Variants in STAT2 observed in about 807,000 individuals in gnomAD.
STAT2 encodes the protein interferon alpha induced transcriptional activator.
Under a neutral mutation model 122.3 loss-of-function variants are expected in STAT2, and 51 were observed. That is an observed-to-expected ratio of 0.42 (90% CI 0.33 to 0.53). The LOEUF is 0.53. STAT2 is among the 20% of genes least tolerant of loss of function. The pLI, the probability that STAT2 is intolerant of heterozygous loss-of-function variation, is 0.10. For missense variants in STAT2, 736 were observed against 1,010.3 expected (o/e 0.73, Z 3.68); for synonymous variants, 351 against 394.9 (o/e 0.89, Z 1.32).
intron 19 of STAT2, 55 bp downstream of exon 19, chr12:56,348,474 C>T (rs1459341392): frequency 1.3e-6 from 2 of 1,583,034 alleles, no homozygotes; most frequent in East Asian, 2.2e-5. Context: ...GCAGAGACTC[C>T]ACTCTCAAGC....
Position 56,344,143 on chromosome 12 carries a change from C to T in STAT2, c.2103-8G>A. ...TGCAGTTCATCCACCTGTCTGGATA[C>T]CCAAAGACAGACAAAGGGGCAGGGC... On this transcript the variant is annotated splice_polypyrimidine_tract_variant and splice_region_variant and intron_variant, in intron 22 of 23. Transcript: ENST00000314128. The T allele has an allele frequency of 6.5e-7, 1 of 1,546,344 alleles. No individual in the cohort carries two copies. The highest frequency in any genetic ancestry group is 1.2e-5 in the South Asian group (1 of 84,618).
chr12:56,346,241 G>A (rs772372248), intron 21 of STAT2, 38 bp from the exon 22 acceptor site: 3 of 1,612,462 alleles, frequency 1.9e-6, no homozygotes, highest in Non-Finnish European at 2.5e-6. Flanking sequence ...GAAGATCAGT[G>A]GGCCAGACAT....
chr12:56,350,911 G>C, intron 10 of STAT2, 23 bp from the exon 11 acceptor site: 1 of 1,613,996 alleles, frequency 6.2e-7, no homozygotes, highest in Non-Finnish European at 8.5e-7. Context: ...AGGGGGATAG[G>C]GGAAAGTGGT....
At chr12:56,346,407 G>A (rs759518094) in intron 21 of STAT2, 35 bp downstream of exon 21, 3 of 1,611,798 alleles carry the variant, frequency 1.9e-6, no homozygotes, top group Non-Finnish European at 2.5e-6. Context: ...GTAGATCTCT[G>A]CAATCTAGCA....
intron 2 of STAT2, 21 bp downstream of exon 2, chr12:56,356,420 C>T (rs2066819): frequency 0.058 from 93,558 of 1,610,634 alleles, 3,110 homozygotes; most frequent in Non-Finnish European, 0.067. Flanking sequence ...TTTCATTCCC[C>T]CAACTTCCTG....
chr12:56,350,394 T>G lies in STAT2; in HGVS notation c.1115+18A>C. On this transcript the variant is annotated intron_variant, in intron 12 of 23. Coordinates refer to ENST00000314128, the MANE Select transcript of STAT2 (RefSeq NM_005419.4). ...ATACACTGTACAGATGTTTGCAGTG[T>G]CCTTGTCAAGCACCTACCCTTGTAA... 8.1e-6 allele frequency: 13 copies of G among 1,603,208 alleles called. No individual in the cohort carries two copies. The highest frequency in any genetic ancestry group is 1.1e-5 in the Non-Finnish European group (13 of 1,176,134).
At position 56,342,923 on chromosome 12, in the gene STAT2, A is replaced by C. The variant is rs1876793631; in HGVS notation, c.*466T>G. ...GAGCCAGGAGTAAAGGAAAGAAGAA[A>C]GCAAGTTATCCTAGACATGAAGGAA... On this transcript the variant is annotated 3_prime_UTR_variant, in exon 24 of 24. Coordinates refer to ENST00000314128, the MANE Select transcript of STAT2 (RefSeq NM_005419.4). 1.3e-5 allele frequency: 2 copies of C among 153,446 alleles called. No individual in the cohort carries two copies. The highest frequency in any genetic ancestry group is 4.8e-5 in the African/African-American group (2 of 41,498). 9.5% of individuals were successfully genotyped at this position (153,446 alleles called of 1,614,324 possible).
At position 56,354,476 on chromosome 12, in the gene STAT2, G is replaced by A. The variant is rs749010133; in HGVS notation, c.772C>T (p.Leu258=). The change falls in exon 8 of 24, where the codon CTG becomes TTG. Residue 258 remains leucine (L), a synonymous_variant. Transcript: ENST00000314128. Reference sequence around the variant, plus strand: ...GGTGGTACCTCTCACCATGTCTCCAGCTGTTCCAACCCGTGGTCAATGGGA... The same window carrying A: ...GGTGGTACCTCTCACCATGTCTCCAACTGTTCCAACCCGTGGTCAATGGGA... ...RAPIDHGLEQ[L]ETWFTAGAKL... is the part of the protein sequence containing the mutation. The A allele has an allele frequency of 5.4e-5, 87 of 1,614,056 alleles. No individual in the cohort carries two copies. The highest frequency in any genetic ancestry group is 7.3e-5 in the Non-Finnish European group (86 of 1,180,036).
chr12:56,352,371 T>TGTGG (rs1878649097), intron 8 of STAT2: 5 of 28,456 alleles, frequency 1.8e-4, no homozygotes, highest in Admixed American at 3.8e-4. Flanking sequence ...TTTTTTTTTT[T>TGTGG]GGTGGGGGTG....
chr12:56,351,261 T>C (rs1316870876), intron 9 of STAT2, 31 bp downstream of exon 9: 12 of 1,612,274 alleles, frequency 7.4e-6, no homozygotes, highest in Non-Finnish European at 1.0e-5. Flanking sequence ...TGTTCCTTCT[T>C]TCCCCCAGGG....
rs1014843633 is a variant in STAT2 at position 56,355,221 on chromosome 12, C to G, written c.547+55G>C. ...GGAGCTTTCTCCTGTTCACTTCCAGCTCCGGCTTCTCAGCAGGCACTTATC... is the reference window on the plus strand; with the variant it reads ...GGAGCTTTCTCCTGTTCACTTCCAGGTCCGGCTTCTCAGCAGGCACTTATC... On this transcript the variant is annotated intron_variant, in intron 6 of 23. Transcript: ENST00000314128. 1.5e-5 allele frequency: 24 copies of G among 1,602,804 alleles called. No homozygotes were observed. In the African/African-American group the frequency reaches 2.7e-4, roughly 18 times the overall value.
chr12:56,356,086 G>T, intron 3 of STAT2, 46 bp downstream of exon 3: 1 of 1,599,656 alleles, frequency 6.3e-7, no homozygotes, highest in South Asian at 1.1e-5. Context: ...ACTCCTCTAT[G>T]CTCAGCTCCC....
intron 19 of STAT2, 30 bp from the exon 20 acceptor site, chr12:56,346,985 C>G: frequency 6.2e-7 from 1 of 1,608,570 alleles, no homozygotes; most frequent in Non-Finnish European, 8.5e-7. Flanking sequence ...TGTGAGACAC[C>G]GCCCAACACC....
chr12:56,349,927 T>C, intron 13 of STAT2, 170 bp downstream of exon 13: 2 of 674,896 alleles, frequency 3.0e-6, no homozygotes, highest in South Asian at 3.6e-5. Context: ...TGTGTGCCTA[T>C]AGTCTCAGCT....
At chr12:56,352,615 C>A (rs74420675) in intron 8 of STAT2, among the ~76,000 whole-genome samples, 42 of 104,456 alleles carry the variant, frequency 4.0e-4, no homozygotes, top group African/African-American at 3.3e-3. Context: ...TCAATCAATG[C>A]ATGCATGCAT....
chr12:56,348,530 C>T lies in STAT2; in HGVS notation c.1723G>A (p.Gly575Arg). ...HDHLKDLWNDGRIMGFVSRSQ... is the reference protein window; with the variant it reads ...HDHLKDLWNDRRIMGFVSRSQ... Reference sequence around the variant, plus strand: ...AGGGAAGGGTGACCAAGGCCTTACCCATCATTCCAGAGATCCTTCAGGTGG... The same window carrying T: ...AGGGAAGGGTGACCAAGGCCTTACCTATCATTCCAGAGATCCTTCAGGTGG... Residue 575 changes from glycine (G) to arginine (R), a missense_variant and splice_region_variant, in exon 19 of 24, where the codon GGA (glycine) becomes AGA (arginine). Gly to Arg is a moderately radical substitution (Grantham distance 125). Coordinates refer to ENST00000314128, the MANE Select transcript of STAT2 (RefSeq NM_005419.4). The T allele has an allele frequency of 6.2e-7, 1 of 1,614,182 alleles. No individual in the cohort carries two copies. Among genetic ancestry groups the T allele is most frequent in the Non-Finnish European group, 8.5e-7 (1 of 1,180,026 alleles).
chr12:56,347,596 G>A (rs1877694404), intron 19 of STAT2, among the ~76,000 whole-genome samples: 1 of 151,850 alleles, frequency 6.6e-6, no homozygotes, highest in Admixed American at 6.6e-5. Context: ...TTCTCTCCTG[G>A]GTTCAAGCGA....
At chr12:56,345,462 T>C (rs1877243660) in intron 22 of STAT2, among the ~76,000 whole-genome samples, 2 of 116,710 alleles carry the variant, frequency 1.7e-5, no homozygotes, top group South Asian at 5.7e-4. Flanking sequence ...ATTATACCAC[T>C]GCACTCCAGC....
Position 56,346,897 on chromosome 12 carries a change from A to G in STAT2, c.1783T>C (p.Ser595Pro), listed in dbSNP as rs1393954720. Residue 595 changes from serine (S) to proline (P), a missense_variant, in exon 20 of 24, where the codon TCT becomes CCT. Coordinates refer to ENST00000314128, the MANE Select transcript of STAT2 (RefSeq NM_005419.4). ...CTGAAGCGCAGTAGAAAGGTGCCAG[A>G]CATGGTCTTCTTCAGCAGCCGGCGC... ...QERRLLKKTMSGTFLLRFSES... is the reference protein window; with the variant it reads ...QERRLLKKTMPGTFLLRFSES... 1.9e-6 allele frequency: 3 copies of G among 1,614,182 alleles called. No individual in the cohort carries two copies. The highest frequency in any genetic ancestry group is 2.5e-6 in the Non-Finnish European group (3 of 1,180,036).
Sources: gnomAD v4.1 joint callset for allele counts (sites outside exome capture counted in the v4.1 genomes callset) on GRCh38, gnomAD v4.1.1 for gene constraint, MANE v1.5 for transcripts, NCBI Gene and HGNC (gene_info 2026-07-23, HGNC 2026-07-21) for gene names.